MTERF4: variants seen among roughly 807,000 people sequenced by gnomAD.
MTERF4 encodes the protein transcription termination factor 4, mitochondrial.
In MTERF4, 17 loss-of-function variants were observed where a neutral mutation model predicts 22.5. The ratio of observed to expected loss-of-function variants is 0.75; its 90% CI spans 0.52 to 1.13. The LOEUF is 1.13. Among genes scored for constraint, MTERF4 ranks in the 50% most tolerant of loss-of-function variants. The pLI is 0.00. For missense variants in MTERF4, 420 were observed against 466.8 expected (o/e 0.90, Z 0.92); for synonymous variants, 165 against 175.3 (o/e 0.94, Z 0.47).
chr2:241,096,692 AGAAG>A lies in MTERF4; in HGVS notation c.706-258_706-255del. 1.5e-6 allele frequency: 1 copy of A among 669,758 alleles called. No individual in the cohort carries two copies. The highest frequency in any genetic ancestry group is 2.8e-6 in the Non-Finnish European group (1 of 355,772). The allele number at this position is 669,758 out of a possible 1,614,324, so 41.5% of individuals were successfully genotyped here. On this transcript the variant is annotated intron_variant, in intron 3 of 3. Coordinates refer to ENST00000391980, the MANE Select transcript of MTERF4 (RefSeq NM_182501.4). The surrounding 1 kb of genome is among the most constrained non-coding windows in gnomAD (Gnocchi z 5.1). ...AAAAGGGGCAGGAGGGAGAAGGGGC[AGAAG>A]GAAGAGGTGGTATTTTTCTTTAAAT...
At chr2:241,070,058 G>T (rs375573059), downstream of MTERF4, 33 of 1,612,968 alleles carry the variant, frequency 2.0e-5, no homozygotes, top group Non-Finnish European at 2.7e-5. Context: ...ACCAAGAGCC[G>T]CTATGTCCCC....
chr2:241,069,008 ACGCACGTGTGGAC>A (rs2062587206), downstream of MTERF4: 1 of 1,551,644 alleles, frequency 6.4e-7, no homozygotes, highest in South Asian at 1.2e-5. This position sits in a 1 kb window ranked among gnomAD's most constrained non-coding sequence, Gnocchi z 4.9. Flanking sequence ...CACCGCGCCG[ACGCACGTGTGGAC>A]CCGTGAGTAG....
downstream of MTERF4, chr2:241,067,822 G>A (rs1443330719): frequency 6.2e-7 from 1 of 1,613,570 alleles, no homozygotes. Context: ...CCATCTCAGT[G>A]CAGTGGGCCC....
At chr2:241,049,219 C>CAG in the MTERF4 span, 5 of 1,028,548 alleles carry the variant, frequency 4.9e-6, no homozygotes, top group Non-Finnish European at 7.4e-6. Context: ...AGGCAGAGGC[C>CAG]AGAGTCCCTA....
chr2:241,064,059 G>C, the MTERF4 span: 1 of 1,568,244 alleles, frequency 6.4e-7, no homozygotes, highest in Non-Finnish European at 8.6e-7. The surrounding 1 kb of genome is among the most constrained non-coding windows in gnomAD (Gnocchi z 7.0). Context: ...AGGCCGGTGT[G>C]AGAGCGGCGG....
the MTERF4 span, chr2:241,063,250 A>AGG: frequency 2.1e-6 from 1 of 482,114 alleles, no homozygotes. Flanking sequence ...ACACTCTTGT[A>AGG]CCTCGCTAGG....
At chr2:241,083,935 T>A (rs1255936484), downstream of MTERF4, among the ~76,000 whole-genome samples, 1 of 152,160 alleles carries the variant, frequency 6.6e-6, no homozygotes, top group African/African-American at 2.4e-5. Context: ...ACCTGCTTTT[T>A]GTTCCTTTTT....
Position 241,095,808 on chromosome 2 carries a change from T to C in MTERF4, c.*190A>G, listed in dbSNP as rs2064373153. ...CAGACACGTGACAACAGATCAAACATGCATTTCCTGTTTCCTGTTTGGTTT... is the reference window on the plus strand; with the variant it reads ...CAGACACGTGACAACAGATCAAACACGCATTTCCTGTTTCCTGTTTGGTTT... On this transcript the variant is annotated 3_prime_UTR_variant, in exon 4 of 4. Transcript: ENST00000391980. 1.2e-5 allele frequency: 12 copies of C among 1,002,570 alleles called. No homozygotes were observed. Among genetic ancestry groups the C allele is most frequent in the Admixed American group, 2.4e-5 (1 of 41,248 alleles). 62.1% of individuals were successfully genotyped at this position (1,002,570 alleles called of 1,614,324 possible). A position where few individuals can be genotyped will look rare whatever the true frequency, so the allele number is the denominator to read the frequency against.
the MTERF4 span, among the ~76,000 whole-genome samples, chr2:241,054,519 G>C: frequency 6.6e-6 from 1 of 152,120 alleles, no homozygotes; most frequent in African/African-American, 2.4e-5. Context: ...AGTGAGCCAT[G>C]AGCCTGCCAC....
chr2:241,072,001 G>T, downstream of MTERF4: 1 of 875,472 alleles, frequency 1.1e-6, no homozygotes, highest in South Asian at 1.4e-5. Flanking sequence ...TCCAGCCAGT[G>T]ACCCCCACCC....
At chr2:241,088,939 C>T (rs2063731823), downstream of MTERF4, 1 of 216,054 alleles carries the variant, frequency 4.6e-6, no homozygotes. Context: ...TGAAGACCGC[C>T]GCTAGAAAGT....
chr2:241,051,930 C>A, the MTERF4 span: 9 of 1,467,846 alleles, frequency 6.1e-6, no homozygotes, highest in Non-Finnish European at 8.4e-6. The surrounding 1 kb of genome is among the most constrained non-coding windows in gnomAD (Gnocchi z 4.7). Context: ...CCCTGATGCA[C>A]CCTCCCTGCC....
At position 241,073,320 on chromosome 2, in the gene MTERF4, G is replaced by A. The variant is rs201069621; in HGVS notation, n.2842C>T. 6.8e-5 allele frequency: 107 copies of A among 1,574,542 alleles called. 1 individual carries two copies. In the African/African-American group the frequency reaches 1.2e-3, roughly 18 times the overall value. ...ATGGAGGAAGCCCCCAAGCGGGTCA[G>A]CCTGGCCCTCCAGCTCCCTGAACAC... On this transcript the variant is annotated non_coding_transcript_exon_variant, in exon 5 of 5. Transcript: ENST00000464344. The surrounding 1 kb of genome is among the most constrained non-coding windows in gnomAD (Gnocchi z 6.6).
At chr2:241,072,951 TAAG>T (rs1166864751) in exon 5 of MTERF4, 7 of 405,174 alleles carry the variant, frequency 1.7e-5, no homozygotes, top group Non-Finnish European at 2.7e-5. Flanking sequence ...AATTTGACCC[TAAG>T]AAGAAAGCAA....
the MTERF4 span, among the ~76,000 whole-genome samples, chr2:241,053,730 C>T: frequency 2.0e-5 from 3 of 152,176 alleles, no homozygotes; most frequent in African/African-American, 7.2e-5. Flanking sequence ...TCCCCCTTCC[C>T]CCTGCAGGCA....
Position 241,075,872 on chromosome 2 carries a change from G to A in MTERF4, n.480-190C>T, listed in dbSNP as rs1296435899. Among the ~76,000 whole-genome samples the A allele has an allele frequency of 6.6e-6, 1 of 151,874 alleles. No homozygotes were observed. Among genetic ancestry groups the A allele is most frequent in the Non-Finnish European group, 1.5e-5 (1 of 67,992 alleles). ...CTGTTAGACTGTGTGTGTGTGAGAA[G>A]TTGGGCTACAATTTCATTTTTTATG... On this transcript the variant is annotated intron_variant and non_coding_transcript_variant, in intron 4 of 4. Coordinates refer to the MTERF4 transcript ENST00000464344. The surrounding 1 kb of genome is among the most constrained non-coding windows in gnomAD (Gnocchi z 4.8).
At position 241,096,656 on chromosome 2, in the gene MTERF4, G is replaced by A. The variant is rs1208323424; in HGVS notation, c.706-218C>T. ...GAGAAACATGGAGCAGGAAATAAAGGGGTGGGAGGGAAAAGGGGCAGGAGG... is the reference window on the plus strand; with the variant it reads ...GAGAAACATGGAGCAGGAAATAAAGAGGTGGGAGGGAAAAGGGGCAGGAGG... On this transcript the variant is annotated intron_variant, in intron 3 of 3. Coordinates refer to ENST00000391980, the MANE Select transcript of MTERF4 (RefSeq NM_182501.4). This position sits in a 1 kb window ranked among gnomAD's most constrained non-coding sequence, Gnocchi z 5.1. The A allele has an allele frequency of 1.4e-6, 1 of 699,206 alleles. No individual in the cohort carries two copies. The highest frequency in any genetic ancestry group is 2.8e-5 in the East Asian group (1 of 35,356). The allele number at this position is 699,206 out of a possible 1,614,324, so 43.3% of individuals were successfully genotyped here.
the MTERF4 span, among the ~76,000 whole-genome samples, chr2:241,045,713 CA>C: frequency 1.5e-3 from 203 of 133,510 alleles, no homozygotes; most frequent in East Asian, 0.012. Flanking sequence ...AAAACATAGG[CA>C]AAAAAAAAAA....
rs746371946 is a variant in MTERF4, at chr2:241,078,300, T to G, written n.480-2618A>C. ...CAGGAGGCTGAGGCAGGAGAATCGC[T>G]TGAACCCGGGAGGTGGAGTTTGCAG... On this transcript the variant is annotated intron_variant and non_coding_transcript_variant, in intron 4 of 4. Coordinates refer to the MTERF4 transcript ENST00000464344. Among the ~76,000 whole-genome samples the G allele has an allele frequency of 7.2e-4, 109 of 150,824 alleles. 1 individual carries two copies. In the Middle Eastern group the frequency reaches 0.034, roughly 47 times the overall value.
Sources: gnomAD v4.1 joint callset for allele counts (sites outside exome capture counted in the v4.1 genomes callset) on GRCh38, gnomAD v4.1.1 for gene constraint, Gnocchi (gnomAD v3.1) non-coding constraint, MANE v1.5 for transcripts, NCBI Gene and HGNC (gene_info 2026-07-23, HGNC 2026-07-21) for gene names.